RSRC1: variants seen among roughly 807,000 people sequenced by gnomAD.
The protein encoded by RSRC1 is serine/Arginine-related protein 53.
Under a neutral mutation model 49.1 loss-of-function variants are expected in RSRC1, and 39 were observed. The ratio of observed to expected loss-of-function variants is 0.79; its 90% CI spans 0.61 to 1.04. The LOEUF is 1.04. Among genes scored for constraint, RSRC1 ranks in the 50% least tolerant of loss-of-function variants. The pLI, the probability that RSRC1 is intolerant of heterozygous loss-of-function variation, is 0.00. For synonymous variants in RSRC1, 143 were observed against 130.8 expected, an observed-to-expected ratio of 1.09 and a Z score of -0.63; for missense variants, 388 against 402.4, an observed-to-expected ratio of 0.96 and a Z score of 0.31.
chr3:158,293,158 C>A (rs1727035547), intron 4 of RSRC1, among the ~76,000 whole-genome samples: 1 of 152,076 alleles, frequency 6.6e-6, no homozygotes, highest in Admixed American at 6.6e-5. Flanking sequence ...TATGTATATG[C>A]AAACCTTCCA....
intron 6 of RSRC1, among the ~76,000 whole-genome samples, chr3:158,422,373 A>G (rs1390813432): frequency 3.3e-5 from 5 of 151,140 alleles, no homozygotes; most frequent in Admixed American, 1.3e-4. Context: ...ATGATTTCCA[A>G]TTTCATCCAT....
intron 7 of RSRC1, among the ~76,000 whole-genome samples, chr3:158,492,199 G>A (rs926138063): frequency 6.6e-6 from 1 of 152,112 alleles, no homozygotes; most frequent in Admixed American, 6.6e-5. Context: ...AGAACAGCAT[G>A]GGGGAATCCA....
intron 5 of RSRC1, among the ~76,000 whole-genome samples, chr3:158,305,491 T>A (rs1727788915): frequency 6.6e-6 from 1 of 152,062 alleles, no homozygotes; most frequent in African/African-American, 2.4e-5. Context: ...CTTATTTTTG[T>A]TTTTTGTATT....
chr3:158,421,023 T>G (rs1182708215), intron 6 of RSRC1, among the ~76,000 whole-genome samples: 1 of 151,690 alleles, frequency 6.6e-6, no homozygotes, highest in Non-Finnish European at 1.5e-5. Flanking sequence ...TATTCATTCG[T>G]TTTTTTTCTT....
rs375015841 is a variant in RSRC1 at position 158,239,352 on chromosome 3, A to G, written c.494+36107A>G. On this transcript the variant is annotated intron_variant, in intron 4 of 9. Coordinates refer to ENST00000611884, the MANE Select transcript of RSRC1 (RefSeq NM_001271838.2). ...AAATGCCATTTGACACCGCAATTCC[A>G]TTACTGGGTGTATACCCAAAGGATT... 3.0e-4 allele frequency among the ~76,000 whole-genome samples: 46 copies of G among 152,322 alleles called. No individual in the cohort carries two copies. In the East Asian group the frequency reaches 5.4e-3, roughly 18 times the overall value.
chr3:158,423,421 G>T (rs1338284728), intron 6 of RSRC1, among the ~76,000 whole-genome samples: 2 of 152,042 alleles, frequency 1.3e-5, no homozygotes, highest in African/African-American at 4.8e-5. Flanking sequence ...GCTCTGTTCT[G>T]TTCCATTGAT....
intron 6 of RSRC1, among the ~76,000 whole-genome samples, chr3:158,388,579 G>A (rs912858815): frequency 4.0e-5 from 6 of 150,844 alleles, no homozygotes. Context: ...CAATTTACCA[G>A]GCATTTGGGG....
chr3:158,362,668 G>A (rs138756349), intron 6 of RSRC1, among the ~76,000 whole-genome samples: 21 of 152,308 alleles, frequency 1.4e-4, no homozygotes, highest in African/African-American at 4.8e-4. Flanking sequence ...TTTCACAGGG[G>A]ATGGAGGGAA....
intron 6 of RSRC1, among the ~76,000 whole-genome samples, chr3:158,381,970 A>T (rs1030053745): frequency 6.6e-6 from 1 of 152,166 alleles, no homozygotes; most frequent in Non-Finnish European, 1.5e-5. Context: ...AAACTTAGCT[A>T]CTGTAACTTT....
In RSRC1 at chr3:158,331,306, T is replaced by C. The variant is rs995257335; in HGVS notation, c.532-23551T>C. On this transcript the variant is annotated intron_variant, in intron 5 of 9. Transcript: ENST00000611884. ...TACAAGAGAAATTTGAGGAGAGAGC[T>C]TGACTAGTAGTCTTTTGTGCGTGTG... Among the ~76,000 whole-genome samples, 13 of 152,362 alleles carry C rather than the reference T, an allele frequency of 8.5e-5. No homozygotes were observed. The East Asian group carries it at 2.3e-3, about 27-fold the overall frequency.
At chr3:158,150,164 C>T (rs1559919842) in intron 3 of RSRC1, among the ~76,000 whole-genome samples, 1 of 152,104 alleles carries the variant, frequency 6.6e-6, no homozygotes, top group Non-Finnish European at 1.5e-5. Flanking sequence ...TTGCTCTTGC[C>T]AACTGCTAGT....
chr3:158,192,783 C>T (rs1166522725), intron 3 of RSRC1, among the ~76,000 whole-genome samples: 1 of 151,980 alleles, frequency 6.6e-6, no homozygotes, highest in Non-Finnish European at 1.5e-5. Context: ...TAATAGCAAA[C>T]CACTGAAGAT....
At chr3:158,119,271 T>G (rs144067728) in intron 1 of RSRC1, among the ~76,000 whole-genome samples, 1 of 152,322 alleles carries the variant, frequency 6.6e-6, no homozygotes, top group African/African-American at 2.4e-5. Flanking sequence ...TTTGCTTTTC[T>G]CTTGTTGGAA....
intron 7 of RSRC1, among the ~76,000 whole-genome samples, chr3:158,485,354 C>T (rs762251052): frequency 6.6e-6 from 1 of 151,904 alleles, no homozygotes; most frequent in South Asian, 2.1e-4. Flanking sequence ...GTGCTAAAAG[C>T]AAATATTTTA....
At chr3:158,245,984 G>A (rs954323418) in intron 4 of RSRC1, among the ~76,000 whole-genome samples, 1 of 151,972 alleles carries the variant, frequency 6.6e-6, no homozygotes, top group African/African-American at 2.4e-5. Context: ...TCTTGATTCT[G>A]TATCCATCTT....
At chr3:158,381,626 C>T (rs1192584749) in intron 6 of RSRC1, among the ~76,000 whole-genome samples, 2 of 152,268 alleles carry the variant, frequency 1.3e-5, no homozygotes, top group Non-Finnish European at 1.5e-5. Flanking sequence ...CTACTACACA[C>T]CTAGGCTATA....
chr3:158,281,899 G>C (rs530826542), intron 4 of RSRC1, among the ~76,000 whole-genome samples: 7 of 152,264 alleles, frequency 4.6e-5, no homozygotes, highest in South Asian at 4.2e-4. Context: ...TGAGTAACAT[G>C]GTAGCTGAGG....
intron 4 of RSRC1, among the ~76,000 whole-genome samples, chr3:158,250,730 A>G (rs1724161257): frequency 6.6e-6 from 1 of 152,134 alleles, no homozygotes; most frequent in Non-Finnish European, 1.5e-5. Context: ...CCCTTGTCAC[A>G]TGGATAGTTT....
At chr3:158,445,512 G>T (rs1736656621) in intron 6 of RSRC1, among the ~76,000 whole-genome samples, 1 of 152,046 alleles carries the variant, frequency 6.6e-6, no homozygotes, top group Admixed American at 6.6e-5. Context: ...CGTGGGGTGG[G>T]GGTAGCGGGG....
Sources: allele counts gnomAD v4.1 joint callset (sites outside exome capture counted in the v4.1 genomes callset), GRCh38; gene constraint gnomAD v4.1.1; transcripts MANE v1.5; gene names NCBI Gene and HGNC (gene_info 2026-07-23, HGNC 2026-07-21).